CACNA1B: variants seen among roughly 807,000 people sequenced by gnomAD.
CACNA1B encodes the protein calcium voltage-gated channel subunit alpha1 B.
A neutral mutation model predicts 247.2 loss-of-function variants in CACNA1B; 70 were observed. The observed-to-expected ratio is 0.28, with a 90% CI of 0.23 to 0.35. The LOEUF (loss-of-function observed/expected upper bound fraction) is 0.35, where lower values mean the gene tolerates loss of function less well. Among genes scored for constraint, CACNA1B ranks in the 10% least tolerant of loss-of-function variants. The pLI, the probability that CACNA1B is intolerant of heterozygous loss-of-function variation, is 1.00. For missense variants in CACNA1B, 2,367 were observed against 3,197.4 expected (o/e 0.74, Z 6.26); for synonymous variants, 1,231 against 1,294.4 (o/e 0.95, Z 1.05).
At chr9:137,993,485 A>T (rs1191374838) in intron 15 of CACNA1B, among the ~76,000 whole-genome samples, 1 of 152,154 alleles carries the variant, frequency 6.6e-6, no homozygotes, top group Non-Finnish European at 1.5e-5. Flanking sequence ...TCCAAATATA[A>T]GCTCAATTAG....
intron 15 of CACNA1B, among the ~76,000 whole-genome samples, chr9:137,993,354 G>GTCTATCTAGATTAAATTTTTGTCTA (rs147194592): frequency 6.6e-6 from 1 of 150,990 alleles, no homozygotes; most frequent in Non-Finnish European, 1.5e-5. Context: ...TTAAATTTTT[G>GTCTATCTAGATTAAATTTTTGTCTA]TCTAGATAGA....
chr9:137,896,812 T>A (rs2133252540), intron 3 of CACNA1B, among the ~76,000 whole-genome samples: 1 of 129,602 alleles, frequency 7.7e-6, no homozygotes, highest in African/African-American at 4.0e-5. Context: ...GTTATGTGGA[T>A]GTTCAAATGA....
chr9:137,878,348 A>T (rs1564867564), intron 1 of CACNA1B, 131 bp downstream of exon 1: 2 of 791,966 alleles, frequency 2.5e-6, no homozygotes, highest in African/African-American at 1.8e-5. Flanking sequence ...GGGGGTACGG[A>T]GCGCCCCAGG....
chr9:138,018,024 C>T (rs1319803212), intron 18 of CACNA1B, among the ~76,000 whole-genome samples: 2 of 79,074 alleles, frequency 2.5e-5, no homozygotes, highest in African/African-American at 9.6e-5. Context: ...GCAGTTAGGC[C>T]ACCTGCCCTG....
chr9:138,080,359 G>A (rs1323684683), intron 36 of CACNA1B, among the ~76,000 whole-genome samples: 3 of 152,218 alleles, frequency 2.0e-5, no homozygotes, highest in Admixed American at 6.5e-5. Context: ...AAAAGTAGGC[G>A]ATGTGAGCAG....
At position 138,115,635 on chromosome 9, in the gene CACNA1B, C is replaced by T; in HGVS notation, c.5733C>T (p.Phe1911=). The stretch of plus-strand genomic sequence containing the variant: ...CTGTGCTCCGAGGAGCCCGGGTTTT[C>T]CTTCGACAGAAGAGTTCCACCTCCC... The part of the protein sequence containing the change: ...QPAVLRGARV[F]LRQKSSTSLS... The change falls in exon 42 of 47, where the codon TTC becomes TTT. Residue 1911 remains phenylalanine (F), a synonymous_variant. Coordinates refer to ENST00000371372, the MANE Select transcript of CACNA1B (RefSeq NM_000718.4). 3 of 1,613,784 alleles carry T rather than the reference C, an allele frequency of 1.9e-6. No individual in the cohort carries two copies. Among genetic ancestry groups the T allele is most frequent in the Non-Finnish European group, 2.5e-6 (3 of 1,179,824 alleles).
At chr9:138,119,555 G>A (rs2131372868) in intron 44 of CACNA1B, among the ~76,000 whole-genome samples, 1 of 152,282 alleles carries the variant, frequency 6.6e-6, no homozygotes, top group East Asian at 1.9e-4. Flanking sequence ...TCCCACTGCT[G>A]TGGCCAGCAA....
chr9:137,906,916 T>C (rs1452598236), intron 3 of CACNA1B, among the ~76,000 whole-genome samples: 1 of 152,260 alleles, frequency 6.6e-6, no homozygotes, highest in African/African-American at 2.4e-5. Context: ...GGGAGTTAGC[T>C]TGGGAGATTT....
chr9:137,997,514 T>C (rs1467684558), intron 15 of CACNA1B, among the ~76,000 whole-genome samples: 1 of 152,048 alleles, frequency 6.6e-6, no homozygotes, highest in African/African-American at 2.4e-5. Flanking sequence ...AAAAGACAAA[T>C]GATGTAGTAT....
chr9:137,908,312 TC>T (rs1272111097), intron 3 of CACNA1B, among the ~76,000 whole-genome samples: 1 of 152,046 alleles, frequency 6.6e-6, no homozygotes, highest in Admixed American at 6.5e-5. Context: ...GGTCAGGAGT[TC>T]GAGACCAGCC....
In CACNA1B at chr9:137,986,862, A is replaced by C. The variant is rs7034745; in HGVS notation, c.1974+8A>C. 376,686 of 1,608,478 alleles carry C rather than the reference A, an allele frequency of 0.23. 55,361 individuals are homozygous for C. Among genetic ancestry groups the C allele is most frequent in the East Asian group, 0.66 (29,684 of 44,820 alleles). On this transcript the variant is annotated splice_region_variant and intron_variant, in intron 15 of 46. Coordinates refer to ENST00000371372, the MANE Select transcript of CACNA1B (RefSeq NM_000718.4). This position sits in a 1 kb window ranked among gnomAD's most constrained non-coding sequence, Gnocchi z 6.0. The stretch of plus-strand genomic sequence containing the variant: ...ATCCTCACTGTCTTCCAGGTAAGGC[A>C]CCTGCTCTGCACATTTGCGGCCTGC...
chr9:137,986,945 T>G lies in CACNA1B; in HGVS notation c.1974+91T>G. Reference sequence around the variant, plus strand: ...CGGACTCTCCTGTCATTCCCTCCCTTGTTCCTCCACACGGCCCAGATCACT... The same window carrying G: ...CGGACTCTCCTGTCATTCCCTCCCTGGTTCCTCCACACGGCCCAGATCACT... On this transcript the variant is annotated intron_variant, in intron 15 of 46. Transcript: ENST00000371372. This position sits in a 1 kb window ranked among gnomAD's most constrained non-coding sequence, Gnocchi z 6.0. 1.0e-6 allele frequency: 1 copy of G among 954,578 alleles called. No homozygotes were observed. Among genetic ancestry groups the G allele is most frequent in the Non-Finnish European group, 1.7e-6 (1 of 584,776 alleles). 59.1% of individuals were successfully genotyped at this position (954,578 alleles called of 1,614,324 possible).
chr9:137,916,083 G>A (rs1406160606), intron 5 of CACNA1B, among the ~76,000 whole-genome samples: 2 of 150,482 alleles, frequency 1.3e-5, no homozygotes, highest in Non-Finnish European at 3.0e-5. Flanking sequence ...CCCAGGCTGG[G>A]GGGCAGTGGT....
chr9:138,002,751 C>A (rs1055911054), intron 15 of CACNA1B, among the ~76,000 whole-genome samples: 1 of 151,792 alleles, frequency 6.6e-6, no homozygotes, highest in Non-Finnish European at 1.5e-5. Flanking sequence ...TCTTTATGAT[C>A]TTGGATGGAG....
At chr9:137,968,754 G>A (rs1958111310) in intron 10 of CACNA1B, among the ~76,000 whole-genome samples, 1 of 152,212 alleles carries the variant, frequency 6.6e-6, no homozygotes, top group Non-Finnish European at 1.5e-5. Context: ...CAAAGAGTCT[G>A]CCTTAGGGCA....
At position 138,050,203 on chromosome 9, in the gene CACNA1B, C is replaced by T. The variant is rs935556053; in HGVS notation, c.3710+888C>T. 1 of 758,204 alleles carries T rather than the reference C, an allele frequency of 1.3e-6. No individual in the cohort carries two copies. Among genetic ancestry groups the T allele is most frequent in the Admixed American group, 2.4e-5 (1 of 42,448 alleles). 47.0% of individuals were successfully genotyped at this position (758,204 alleles called of 1,614,324 possible). A position where few individuals can be genotyped will look rare whatever the true frequency, so the allele number is the denominator to read the frequency against. ...CCCATCCACTTTCACCCCATCGGGGCTGCATGCTGCCGGGAGCCAAGTCCC... is the reference window on the plus strand; with the variant it reads ...CCCATCCACTTTCACCCCATCGGGGTTGCATGCTGCCGGGAGCCAAGTCCC... On this transcript the variant is annotated intron_variant, in intron 24 of 46. Transcript: ENST00000371372. The surrounding 1 kb of genome is among the most constrained non-coding windows in gnomAD (Gnocchi z 5.2).
rs1398245031 is a variant in CACNA1B at position 138,073,077 on chromosome 9, G to A, written c.4675-411G>A. Among the ~76,000 whole-genome samples, 1 of 152,222 alleles carries A rather than the reference G, an allele frequency of 6.6e-6. No homozygotes were observed. Among genetic ancestry groups the A allele is most frequent in the Non-Finnish European group, 1.5e-5 (1 of 68,044 alleles). On this transcript the variant is annotated intron_variant, in intron 32 of 46. Coordinates refer to ENST00000371372, the MANE Select transcript of CACNA1B (RefSeq NM_000718.4). The surrounding 1 kb of genome is among the most constrained non-coding windows in gnomAD (Gnocchi z 6.4). ...GGGGTCCCTTCCGGGGTGCTGGGTG[G>A]AGAAGCAGTCATGCCCAGCACGTGG...
In CACNA1B at chr9:137,923,169, A is replaced by G. The variant is rs147291892; in HGVS notation, c.966+5738A>G. Among the ~76,000 whole-genome samples the G allele has an allele frequency of 2.9e-4, 42 of 144,194 alleles. No individual in the cohort carries two copies. The East Asian group carries it at 8.5e-3, about 29-fold the overall frequency. 94.6% of individuals were successfully genotyped at this position (144,194 alleles called of 152,430 possible). A position where few individuals can be genotyped will look rare whatever the true frequency, so the allele number is the denominator to read the frequency against. On this transcript the variant is annotated intron_variant, in intron 6 of 46. Transcript: ENST00000371372. The stretch of plus-strand genomic sequence containing the variant: ...CAGGTGTCAATTTGTGGTGCCAGGT[A>G]GTATTCCGTGGTGCCAGGTGGTATT...
chr9:138,002,840 G>A (rs929545277), intron 15 of CACNA1B, among the ~76,000 whole-genome samples: 1 of 150,852 alleles, frequency 6.6e-6, no homozygotes, highest in Non-Finnish European at 1.5e-5. Flanking sequence ...TAGCTCTGTT[G>A]CCCAGGCTGG....
Sources: allele counts gnomAD v4.1 joint callset (sites outside exome capture counted in the v4.1 genomes callset), GRCh38; gene constraint gnomAD v4.1.1; non-coding constraint Gnocchi (gnomAD v3.1); transcripts MANE v1.5; gene names NCBI Gene and HGNC (gene_info 2026-07-23, HGNC 2026-07-21).